LOC128706665: variants seen among roughly 807,000 people sequenced by gnomAD.
the LOC128706665 span, among the ~76,000 whole-genome samples, chr20:10,433,773 G>A: frequency 6.6e-6 from 1 of 152,144 alleles, no homozygotes; most frequent in Non-Finnish European, 1.5e-5. Flanking sequence ...CCCAGCGAGG[G>A]AGGGGACGGG....
chr20:10,423,368 G>C, the LOC128706665 span, among the ~76,000 whole-genome samples: 2 of 152,114 alleles, frequency 1.3e-5, no homozygotes, highest in Non-Finnish European at 2.9e-5. Context: ...GCTGCGGTGA[G>C]CTGAGATAAC....
the LOC128706665 span, among the ~76,000 whole-genome samples, chr20:10,428,202 T>C: frequency 1.3e-5 from 2 of 152,164 alleles, no homozygotes; most frequent in African/African-American, 4.8e-5. Context: ...GTTTATAGAG[T>C]TGTCTGAGAA....
At chr20:10,427,285 G>T in the LOC128706665 span, among the ~76,000 whole-genome samples, 1 of 152,074 alleles carries the variant, frequency 6.6e-6, no homozygotes, top group Non-Finnish European at 1.5e-5. Flanking sequence ...GGGCTTGCTG[G>T]GCGCCATCTG....
At chr20:10,414,903 A>G in the LOC128706665 span, among the ~76,000 whole-genome samples, 1 of 152,208 alleles carries the variant, frequency 6.6e-6, no homozygotes, top group Admixed American at 6.5e-5. Flanking sequence ...TGGAAATCCT[A>G]GTCAACGAAT....
the LOC128706665 span, among the ~76,000 whole-genome samples, chr20:10,422,202 C>A: frequency 4.6e-5 from 7 of 152,038 alleles, no homozygotes; most frequent in Non-Finnish European, 1.0e-4. Flanking sequence ...GGTCTCAATT[C>A]ATATTTTATA....
the LOC128706665 span, among the ~76,000 whole-genome samples, chr20:10,424,353 C>T: frequency 1.7e-4 from 26 of 152,022 alleles, no homozygotes; most frequent in South Asian, 1.2e-3. Flanking sequence ...CCCATGAGTT[C>T]GAGACTGCCT....
At chr20:10,433,001 G>A in the LOC128706665 span, among the ~76,000 whole-genome samples, 1 of 152,060 alleles carries the variant, frequency 6.6e-6, no homozygotes, top group African/African-American at 2.4e-5. Flanking sequence ...TTTTCCCCCA[G>A]AATGTTTTTA....
chr20:10,423,310 G>C, the LOC128706665 span, among the ~76,000 whole-genome samples: 1 of 152,032 alleles, frequency 6.6e-6, no homozygotes, highest in African/African-American at 2.4e-5. Flanking sequence ...TTCTAGCTGC[G>C]TGGGGGGTGC....
At chr20:10,423,285 G>T in the LOC128706665 span, among the ~76,000 whole-genome samples, 1 of 152,158 alleles carries the variant, frequency 6.6e-6, no homozygotes, top group Admixed American at 6.5e-5. Context: ...TGGGCATGGT[G>T]GCGCACGCCT....
chr20:10,423,446 A>G, the LOC128706665 span, among the ~76,000 whole-genome samples: 1 of 152,174 alleles, frequency 6.6e-6, no homozygotes, highest in Non-Finnish European at 1.5e-5. Flanking sequence ...AGCAAAAAAG[A>G]GACTGGATAG....
At chr20:10,420,580 G>C in the LOC128706665 span, 2 of 152,192 alleles carry the variant, frequency 1.3e-5, no homozygotes, top group Non-Finnish European at 2.9e-5. Flanking sequence ...CTGAAGATTT[G>C]AAAGTCCCAG....
At chr20:10,426,166 T>C in the LOC128706665 span, among the ~76,000 whole-genome samples, 1,639 of 152,336 alleles carry the variant, frequency 0.011, 28 homozygotes, top group African/African-American at 0.038. Context: ...CATTAAATGA[T>C]TGATTCTAAG....
chr20:10,427,034 A>ACACACAGG, the LOC128706665 span, among the ~76,000 whole-genome samples: 1 of 40,976 alleles, frequency 2.4e-5, no homozygotes, highest in East Asian at 3.2e-4. Flanking sequence ...ACACTGACAC[A>ACACACAGG]CACACACACA....
the LOC128706665 span, among the ~76,000 whole-genome samples, chr20:10,422,314 A>G: frequency 2.6e-5 from 4 of 152,122 alleles, no homozygotes; most frequent in African/African-American, 9.7e-5. Flanking sequence ...GTACTGTGGT[A>G]TACTATATAC....
At chr20:10,431,999 C>G in the LOC128706665 span, 2 of 152,328 alleles carry the variant, frequency 1.3e-5, no homozygotes, top group Non-Finnish European at 2.9e-5. Context: ...ATGTGCCACC[C>G]TGACCCCCCT....
At chr20:10,417,748 T>C in the LOC128706665 span, among the ~76,000 whole-genome samples, 2 of 152,060 alleles carry the variant, frequency 1.3e-5, no homozygotes, top group Non-Finnish European at 2.9e-5. Context: ...CTAGGATCTA[T>C]TCCACAGTAC....
At chr20:10,432,605 C>G in the LOC128706665 span, among the ~76,000 whole-genome samples, 1 of 151,944 alleles carries the variant, frequency 6.6e-6, no homozygotes, top group Non-Finnish European at 1.5e-5. Context: ...CCAGCCTGGC[C>G]AACATGGCGA....
the LOC128706665 span, among the ~76,000 whole-genome samples, chr20:10,421,589 C>G: frequency 6.6e-6 from 1 of 152,050 alleles, no homozygotes; most frequent in African/African-American, 2.4e-5. Flanking sequence ...TAAAAGATTT[C>G]TGGCTTGAAC....
At chr20:10,430,240 T>C in the LOC128706665 span, among the ~76,000 whole-genome samples, 1 of 152,160 alleles carries the variant, frequency 6.6e-6, no homozygotes, top group African/African-American at 2.4e-5. Context: ...ATGTAGTGAT[T>C]AAGGGATGAG....
Sources: gnomAD v4.1 joint callset for allele counts (sites outside exome capture counted in the v4.1 genomes callset) on GRCh38, gnomAD v4.1.1 for gene constraint, MANE v1.5 for transcripts.